Variants in LDLRAD4 observed in about 807,000 individuals in gnomAD.
LDLRAD4 encodes low-density lipoprotein receptor class A domain-containing protein 4.
LDLRAD4 carries 5 observed loss-of-function variants against 17.0 expected under a neutral mutation model. That is an observed-to-expected ratio of 0.29 (90% CI 0.15 to 0.62). The LOEUF is 0.62. Ranked by LOEUF, LDLRAD4 falls within the 20% of genes least tolerant of loss-of-function variation. The probability of loss-of-function intolerance (pLI) is 0.84; values close to 1 mark genes in which losing one functional copy is unlikely to be tolerated. For missense variants in LDLRAD4, 340 were observed against 424.7 expected (o/e 0.80, Z 1.75); for synonymous variants, 168 against 171.8 (o/e 0.98, Z 0.17).
At chr18:13,346,172 T>A (rs1337184432) in intron 1 of LDLRAD4, among the ~76,000 whole-genome samples, 1 of 152,158 alleles carries the variant, frequency 6.6e-6, no homozygotes, top group Non-Finnish European at 1.5e-5. Flanking sequence ...TTGTGATGTT[T>A]GGGTGTCAAT....
At chr18:13,250,737 A>G (rs1432139194) in intron 1 of LDLRAD4, among the ~76,000 whole-genome samples, 1 of 152,224 alleles carries the variant, frequency 6.6e-6, no homozygotes, top group Non-Finnish European at 1.5e-5. Flanking sequence ...ATCAGTAATA[A>G]AAGTCTGTCA....
chr18:13,392,250 C>T (rs1330389941), intron 2 of LDLRAD4, among the ~76,000 whole-genome samples: 1 of 152,260 alleles, frequency 6.6e-6, no homozygotes, highest in Admixed American at 6.5e-5. Flanking sequence ...CCACCTGCCT[C>T]ACAGGGCATT....
chr18:13,331,297 A>G (rs1170323314), intron 1 of LDLRAD4, among the ~76,000 whole-genome samples: 1 of 152,252 alleles, frequency 6.6e-6, no homozygotes, highest in Non-Finnish European at 1.5e-5. Flanking sequence ...GTGTCCATGC[A>G]GAACTACTTG....
chr18:13,383,592 C>T (rs1439677584), intron 1 of LDLRAD4, among the ~76,000 whole-genome samples: 8 of 152,244 alleles, frequency 5.3e-5, no homozygotes, highest in Admixed American at 5.2e-4. Context: ...AACTTTTACC[C>T]TTCCACGTGT....
At chr18:13,540,283 A>G (rs886075001) in intron 3 of LDLRAD4, among the ~76,000 whole-genome samples, 2 of 152,266 alleles carry the variant, frequency 1.3e-5, no homozygotes, top group East Asian at 3.8e-4. Flanking sequence ...TGTAAGGCAG[A>G]GTACATTTGC....
intron 1 of LDLRAD4, among the ~76,000 whole-genome samples, chr18:13,370,941 C>A (rs1281968588): frequency 6.6e-6 from 1 of 152,076 alleles, no homozygotes; most frequent in Admixed American, 6.6e-5. Context: ...AAACTCCTGA[C>A]CTCATGATCT....
chr18:13,619,656 G>A (rs1484526636), intron 3 of LDLRAD4, among the ~76,000 whole-genome samples: 1 of 152,150 alleles, frequency 6.6e-6, no homozygotes, highest in Non-Finnish European at 1.5e-5. Flanking sequence ...CAGGCCACGG[G>A]GAACCCAAGA....
intron 1 of LDLRAD4, among the ~76,000 whole-genome samples, chr18:13,350,811 G>C (rs936717716): frequency 9.2e-5 from 14 of 152,144 alleles, no homozygotes; most frequent in African/African-American, 3.4e-4. Context: ...TTTTGTATAA[G>C]GTGTAAGGAA....
intron 4 of LDLRAD4, among the ~76,000 whole-genome samples, chr18:13,640,186 G>A (rs1001922346): frequency 2.6e-5 from 4 of 151,600 alleles, no homozygotes; most frequent in Non-Finnish European, 5.9e-5. Flanking sequence ...CCATCTACTC[G>A]GTAGGCTGAG....
chr18:13,349,180 T>C (rs1474060464), intron 1 of LDLRAD4, among the ~76,000 whole-genome samples: 1 of 152,228 alleles, frequency 6.6e-6, no homozygotes, highest in Non-Finnish European at 1.5e-5. Flanking sequence ...CTGGGAGCTG[T>C]AGACTGGAGC....
intron 3 of LDLRAD4, among the ~76,000 whole-genome samples, chr18:13,591,488 G>T (rs59699759): frequency 8.7e-4 from 132 of 152,106 alleles, no homozygotes; most frequent in African/African-American, 3.0e-3. Context: ...TCTCGAGAGA[G>T]GAAGACCGCG....
exon 2 of LDLRAD4, chr18:13,387,635 C>T (rs1196677921): frequency 8.2e-7 from 1 of 1,220,208 alleles, no homozygotes; most frequent in Non-Finnish European, 1.2e-6. Flanking sequence ...CTTGGACAGG[C>T]TAAGATGGAA....
chr18:13,475,427 ATTTTTTTT>A (rs35255496), intron 3 of LDLRAD4, among the ~76,000 whole-genome samples: 8,997 of 131,134 alleles, frequency 0.069, 308 homozygotes, highest in South Asian at 0.082. Context: ...CACCCCGCTG[ATTTTTTTT>A]TTTTTTTTTT....
At chr18:13,366,217 G>A (rs1171981923) in intron 1 of LDLRAD4, 1 of 152,236 alleles carries the variant, frequency 6.6e-6, no homozygotes, top group African/African-American at 2.4e-5. Context: ...GGGATTACAA[G>A]TGTGAGCCAC....
At chr18:13,514,053 A>C (rs1037998285) in intron 3 of LDLRAD4, among the ~76,000 whole-genome samples, 2 of 152,206 alleles carry the variant, frequency 1.3e-5, no homozygotes, top group African/African-American at 4.8e-5. Flanking sequence ...AGTTGGAGAG[A>C]TTGGAGATTA....
intron 3 of LDLRAD4, among the ~76,000 whole-genome samples, chr18:13,459,593 G>C (rs1235066814): frequency 1.3e-5 from 2 of 152,072 alleles, no homozygotes; most frequent in African/African-American, 4.8e-5. Flanking sequence ...ATGTTGGCCA[G>C]GCTGGTCTCA....
intron 3 of LDLRAD4, among the ~76,000 whole-genome samples, chr18:13,617,247 G>C (rs755269886): frequency 5.3e-5 from 8 of 152,134 alleles, no homozygotes; most frequent in Admixed American, 3.3e-4. Context: ...GTTTTACAGA[G>C]AGTAATTCCA....
At chr18:13,326,486 T>C (rs114522333) in intron 1 of LDLRAD4, among the ~76,000 whole-genome samples, 1,800 of 152,342 alleles carry the variant, frequency 0.012, 39 homozygotes, top group African/African-American at 0.041. Context: ...GCGAAGCTTG[T>C]AATAGACATG....
chr18:13,377,447 C>T (rs978111708), intron 1 of LDLRAD4, among the ~76,000 whole-genome samples: 5 of 152,148 alleles, frequency 3.3e-5, no homozygotes, highest in African/African-American at 9.7e-5. Flanking sequence ...AGTGCCCGTG[C>T]CTTCTCCCAG....
Sources: allele counts gnomAD v4.1 joint callset (sites outside exome capture counted in the v4.1 genomes callset), GRCh38; gene constraint gnomAD v4.1.1; transcripts MANE v1.5; gene names NCBI Gene and HGNC (gene_info 2026-07-23, HGNC 2026-07-21).